DAB1: variants seen among roughly 807,000 people sequenced by gnomAD.
DAB1 encodes disabled homolog 1.
A neutral mutation model predicts 64.6 loss-of-function variants in DAB1; 15 were observed. The observed-to-expected ratio is 0.23, with a 90% confidence interval of 0.16 to 0.36. The LOEUF is 0.36. Among genes scored for constraint, DAB1 ranks in the 10% least tolerant of loss-of-function variants. The probability of loss-of-function intolerance (pLI) is 1.00; values close to 1 mark genes in which losing one functional copy is unlikely to be tolerated. For missense variants in DAB1, 596 were observed against 706.7 expected, an observed-to-expected ratio of 0.84 and a Z score of 1.78; for synonymous variants, 235 against 251.9, an observed-to-expected ratio of 0.93 and a Z score of 0.64.
chr1:57,321,990 C>G (rs1304020814), intron 1 of DAB1, among the ~76,000 whole-genome samples: 2 of 152,232 alleles, frequency 1.3e-5, no homozygotes, highest in Non-Finnish European at 1.5e-5. Context: ...TTGGATGGCT[C>G]TCACTGGCAC....
At chr1:57,057,739 C>T (rs559642858) in intron 9 of DAB1, among the ~76,000 whole-genome samples, 50 of 151,622 alleles carry the variant, frequency 3.3e-4, no homozygotes, top group African/African-American at 1.2e-3. Flanking sequence ...TCCCAAGCAG[C>T]TGGGACTACA....
chr1:57,254,636 ACACTC>A (rs1464195663), intron 2 of DAB1, among the ~76,000 whole-genome samples: 2 of 152,128 alleles, frequency 1.3e-5, no homozygotes, highest in Non-Finnish European at 2.9e-5. Flanking sequence ...CCTCCTAAAA[ACACTC>A]CACTCATCAT....
At chr1:57,945,505 C>G (rs1261134099) in intron 5 of DAB1, among the ~76,000 whole-genome samples, 1 of 151,696 alleles carries the variant, frequency 6.6e-6, no homozygotes, top group Non-Finnish European at 1.5e-5. Flanking sequence ...GTCTCAAATT[C>G]ATGGCTTCAA....
chr1:57,078,434 C>T lies in DAB1; in HGVS notation c.307-6020G>A, dbSNP rs1557680316. 7.9e-5 allele frequency among the ~76,000 whole-genome samples: 12 copies of T among 151,840 alleles called. No individual in the cohort carries two copies. In the South Asian group the frequency reaches 2.5e-3, roughly 32 times the overall value. ...ATAATACAAAGAATGATATGGGAAC[C>T]CAAAATGCTATTGGAAATATTAAAT... On this transcript the variant is annotated intron_variant, in intron 4 of 14. Transcript: ENST00000371236.
intron 4 of DAB1, among the ~76,000 whole-genome samples, chr1:57,090,888 A>G (rs1336949221): frequency 2.6e-5 from 4 of 152,198 alleles, no homozygotes; most frequent in Non-Finnish European, 5.9e-5. Flanking sequence ...CAGTAGCAGC[A>G]TTAGAGTCTC....
intron 5 of DAB1, among the ~76,000 whole-genome samples, chr1:57,901,819 C>A (rs537520167): frequency 6.6e-6 from 1 of 152,118 alleles, no homozygotes; most frequent in Admixed American, 6.6e-5. Context: ...CTCCACCATT[C>A]CTTCTCACAG....
Position 58,253,348 on chromosome 1 carries a change from T to C in DAB1, n.309+90004A>G, listed in dbSNP as rs142515530. On this transcript the variant is annotated intron_variant and non_coding_transcript_variant, in intron 4 of 20. Coordinates refer to the DAB1 transcript ENST00000485760. Reference sequence around the variant, plus strand: ...GCAACTGGTTAACAACTGACTCTGATTGTTGTTAACAAGCCTGATTAACAA... The same window carrying C: ...GCAACTGGTTAACAACTGACTCTGACTGTTGTTAACAAGCCTGATTAACAA... Among the ~76,000 whole-genome samples the C allele has an allele frequency of 1.4e-3, 213 of 152,346 alleles. 2 individuals are homozygous for C. The highest frequency in any genetic ancestry group is 9.1e-4 in the Non-Finnish European group (62 of 68,034).
chr1:57,751,772 T>C (rs12045484), intron 6 of DAB1, among the ~76,000 whole-genome samples: 11,430 of 151,822 alleles, frequency 0.075, 526 homozygotes, highest in Middle Eastern at 0.14. Flanking sequence ...ACTCTCAGGG[T>C]TCCCTCCTCA....
rs922898037 is a variant in DAB1 at position 57,310,210 on chromosome 1, A to G, written c.-136-19044T>C. 2.6e-5 allele frequency among the ~76,000 whole-genome samples: 4 copies of G among 152,150 alleles called. No homozygotes were observed. The East Asian group carries it at 7.7e-4, about 29-fold the overall frequency. On this transcript the variant is annotated intron_variant, in intron 1 of 14. Transcript: ENST00000371236. Reference sequence around the variant, plus strand: ...ATGGGAGGGCTATAAGAAGTGCTGGAGGGGAGTAAGTCTTTTTAATGAGTA... The same window carrying G: ...ATGGGAGGGCTATAAGAAGTGCTGGGGGGGAGTAAGTCTTTTTAATGAGTA...
intron 1 of DAB1, among the ~76,000 whole-genome samples, chr1:57,396,457 A>G (rs77902789): frequency 0.026 from 3,896 of 152,318 alleles, 175 homozygotes; most frequent in African/African-American, 0.089. Flanking sequence ...ATTTGGGGGA[A>G]AAAACACTTC....
At chr1:58,074,830 G>T (rs1035503478) in intron 5 of DAB1, among the ~76,000 whole-genome samples, 12 of 151,952 alleles carry the variant, frequency 7.9e-5, no homozygotes, top group African/African-American at 2.9e-4. Context: ...ATAAGGAAAG[G>T]CAGGGAACAT....
chr1:57,310,897 C>T (rs1404843420), intron 1 of DAB1, among the ~76,000 whole-genome samples: 6 of 151,932 alleles, frequency 3.9e-5, no homozygotes, highest in Admixed American at 3.9e-4. Flanking sequence ...ACTTGGGAGA[C>T]TGAGGTGGGG....
chr1:58,052,526 A>G (rs542896416), intron 5 of DAB1, among the ~76,000 whole-genome samples: 1 of 152,338 alleles, frequency 6.6e-6, no homozygotes, highest in Admixed American at 6.5e-5. Flanking sequence ...TTGGCAATGC[A>G]GGCTCTTTTT....
intron 7 of DAB1, among the ~76,000 whole-genome samples, chr1:57,464,877 GTT>G (rs59090758): frequency 1.4e-4 from 20 of 144,200 alleles, no homozygotes; most frequent in African/African-American, 4.8e-4. Flanking sequence ...TACACATCAA[GTT>G]TTTTTTTTTT....
At chr1:57,247,510 C>T (rs1292174751) in intron 2 of DAB1, among the ~76,000 whole-genome samples, 1 of 152,106 alleles carries the variant, frequency 6.6e-6, no homozygotes, top group African/African-American at 2.4e-5. Context: ...TCATTTAGTT[C>T]TTTATAGCAG....
chr1:57,107,137 G>A (rs1557732697), intron 4 of DAB1, among the ~76,000 whole-genome samples: 1 of 152,122 alleles, frequency 6.6e-6, no homozygotes, highest in Non-Finnish European at 1.5e-5. Context: ...CACTTTGGGG[G>A]GCTGAGGCAG....
intron 4 of DAB1, among the ~76,000 whole-genome samples, chr1:58,166,532 T>G (rs1354264377): frequency 6.6e-6 from 1 of 152,222 alleles, no homozygotes. Flanking sequence ...TATTTGTATA[T>G]CCTTTCACCA....
intron 10 of DAB1, among the ~76,000 whole-genome samples, chr1:57,025,562 G>C (rs922103872): frequency 6.6e-6 from 1 of 152,096 alleles, no homozygotes; most frequent in East Asian, 1.9e-4. Context: ...CACCTATGCT[G>C]TACTGGGCTT....
intron 1 of DAB1, among the ~76,000 whole-genome samples, chr1:57,422,809 G>T (rs1685026373): frequency 6.6e-6 from 1 of 152,194 alleles, no homozygotes; most frequent in Non-Finnish European, 1.5e-5. Context: ...TCCAGGCAGC[G>T]ATCCCTTGTG....
Sources: gnomAD v4.1 joint callset for allele counts (sites outside exome capture counted in the v4.1 genomes callset) on GRCh38, gnomAD v4.1.1 for gene constraint, MANE v1.5 for transcripts, NCBI Gene and HGNC (gene_info 2026-07-23, HGNC 2026-07-21) for gene names.